The following SNX4 variants were observed in gnomAD, a reference collection of about 807,000 sequenced individuals.
The protein encoded by SNX4 is sorting nexin-4.
Under a neutral mutation model 70.8 loss-of-function variants are expected in SNX4, and 49 were observed. That is an observed-to-expected ratio of 0.69 (90% CI 0.55 to 0.88). SNX4 has a LOEUF of 0.88. Among genes scored for constraint, SNX4 ranks in the 40% least tolerant of loss-of-function variants. SNX4 has a pLI of 0.00. For synonymous variants in SNX4, 206 were observed against 183.8 expected, an observed-to-expected ratio of 1.12 and a Z score of -0.98; for missense variants, 528 against 544.8, an observed-to-expected ratio of 0.97 and a Z score of 0.31.
chr3:125,502,713 A>T (rs1934955786), intron 2 of SNX4, among the ~76,000 whole-genome samples: 1 of 151,690 alleles, frequency 6.6e-6, no homozygotes, highest in South Asian at 2.1e-4. Flanking sequence ...TACTAAAACT[A>T]CATGGTGACG....
chr3:125,494,451 G>C (rs1054762557), intron 5 of SNX4, among the ~76,000 whole-genome samples: 1 of 152,092 alleles, frequency 6.6e-6, no homozygotes, highest in Non-Finnish European at 1.5e-5. Flanking sequence ...AGGCAATATT[G>C]AGCAAAATAA....
chr3:125,518,683 A>G (rs1437606230), intron 1 of SNX4, among the ~76,000 whole-genome samples: 1 of 152,094 alleles, frequency 6.6e-6, no homozygotes, highest in Non-Finnish European at 1.5e-5. Flanking sequence ...CCTGGGTAAC[A>G]TGGTGAAAAC....
intron 1 of SNX4, among the ~76,000 whole-genome samples, chr3:125,510,002 T>C (rs1208651627): frequency 5.3e-5 from 8 of 152,096 alleles, no homozygotes; most frequent in Non-Finnish European, 8.8e-5. Context: ...TCGTGCCCTA[T>C]TGGCGGGAAT....
intron 6 of SNX4, among the ~76,000 whole-genome samples, chr3:125,489,193 G>A (rs1934598341): frequency 6.6e-6 from 1 of 152,050 alleles, no homozygotes; most frequent in Non-Finnish European, 1.5e-5. Flanking sequence ...CTAGAAAAAA[G>A]CAATGGTTTA....
intron 9 of SNX4, among the ~76,000 whole-genome samples, chr3:125,466,310 C>T (rs1044273738): frequency 4.1e-5 from 6 of 148,066 alleles, no homozygotes; most frequent in African/African-American, 1.5e-4. Context: ...TCAAGATAGA[C>T]TAAGGACTTA....
intron 1 of SNX4, among the ~76,000 whole-genome samples, chr3:125,514,653 A>G (rs1935237277): frequency 6.6e-6 from 1 of 151,970 alleles, no homozygotes; most frequent in Non-Finnish European, 1.5e-5. Context: ...CAGCCTCCCA[A>G]AGTGCTGGGA....
chr3:125,472,912 T>TCC (rs1245347653), intron 8 of SNX4, among the ~76,000 whole-genome samples: 3 of 151,844 alleles, frequency 2.0e-5, no homozygotes, highest in Admixed American at 6.6e-5. Context: ...CATGCTCCTA[T>TCC]CCCTCCCCTG....
intron 6 of SNX4, among the ~76,000 whole-genome samples, chr3:125,485,822 G>C (rs116369583): frequency 0.03 from 4,539 of 152,068 alleles, 154 homozygotes; most frequent in African/African-American, 0.064. Flanking sequence ...CTACACTTTG[G>C]TTCTTGCCTC....
chr3:125,446,843 T>C lies in SNX4; in HGVS notation c.*936A>G, dbSNP rs1284948081. 6.6e-6 allele frequency: 1 copy of C among 152,516 alleles called. No homozygotes were observed. The highest frequency in any genetic ancestry group is 6.6e-5 in the Admixed American group (1 of 15,262). 9.4% of individuals were successfully genotyped at this position (152,516 alleles called of 1,614,324 possible). On this transcript the variant is annotated 3_prime_UTR_variant, in exon 14 of 14. Transcript: ENST00000251775. ...TGAAGATGCTTGCCTTCTGAACATA[T>C]ACTACAAACACACATACAAAAAAAC...
rs1559822284 is a variant in SNX4, at chr3:125,497,949, T to C, written c.434A>G (p.Asn145Ser). The C allele has an allele frequency of 1.9e-6, 3 of 1,614,174 alleles. No homozygotes were observed. Among genetic ancestry groups the C allele is most frequent in the Non-Finnish European group, 1.7e-6 (2 of 1,180,028 alleles). ...CCTCTCCACAAAATCTGGATCCATG[T>C]TGTCAGCAGAGAGTTTATGCCAAAC... ...EFVWHKLSAD[N>S]MDPDFVERRR... The change falls in exon 4 of 14, where the codon AAC becomes AGC. Residue 145 changes from asparagine (N) to serine (S), a missense_variant. By Grantham distance (46) the Asn-to-Ser change is conservative. Coordinates refer to ENST00000251775, the MANE Select transcript of SNX4 (RefSeq NM_003794.4).
At chr3:125,499,472 T>C (rs1934877599) in intron 2 of SNX4, among the ~76,000 whole-genome samples, 1 of 152,122 alleles carries the variant, frequency 6.6e-6, no homozygotes, top group Non-Finnish European at 1.5e-5. Context: ...CATTGCATAT[T>C]AATAAAAATG....
chr3:125,484,835 C>A (rs1336029087), intron 6 of SNX4, among the ~76,000 whole-genome samples: 2 of 151,872 alleles, frequency 1.3e-5, no homozygotes, highest in African/African-American at 4.8e-5. Context: ...ATTAGCCAGG[C>A]CGGGTGGATC....
chr3:125,491,866 T>C (rs2107554103), intron 5 of SNX4, among the ~76,000 whole-genome samples: 1 of 152,090 alleles, frequency 6.6e-6, no homozygotes, highest in South Asian at 2.1e-4. Context: ...CCCAGCACTT[T>C]GGGAGGCTGA....
At chr3:125,506,529 G>A (rs1318721747) in intron 1 of SNX4, among the ~76,000 whole-genome samples, 2 of 141,906 alleles carry the variant, frequency 1.4e-5, no homozygotes, top group African/African-American at 5.3e-5. Flanking sequence ...TTTTTTCTGA[G>A]ACAGTCTTGC....
At chr3:125,459,791 C>CA (rs1010078825) in intron 10 of SNX4, among the ~76,000 whole-genome samples, 3 of 152,072 alleles carry the variant, frequency 2.0e-5, no homozygotes, top group Non-Finnish European at 4.4e-5. Flanking sequence ...TCCTACTACT[C>CA]AAAGCCCTAG....
intron 6 of SNX4, among the ~76,000 whole-genome samples, chr3:125,482,746 T>C (rs529241829): frequency 1.3e-5 from 2 of 152,044 alleles, no homozygotes; most frequent in Non-Finnish European, 2.9e-5. Context: ...TTCATTGAAA[T>C]AAAGAGGCAG....
At position 125,514,049 on chromosome 3, in the gene SNX4, T is replaced by TA. The variant is rs398106420; in HGVS notation, c.141+5982dup. ...AGACTTCTGGATTTTTTTTTTTTTT[T>TA]AAAGGGCACTAATCCCACTCACGAA... On this transcript the variant is annotated intron_variant, in intron 1 of 13. Coordinates refer to ENST00000251775, the MANE Select transcript of SNX4 (RefSeq NM_003794.4). 5.3e-5 allele frequency among the ~76,000 whole-genome samples: 8 copies of TA among 151,244 alleles called. No individual in the cohort carries two copies. The East Asian group carries it at 1.4e-3, about 26-fold the overall frequency.
At chr3:125,461,789 G>A (rs1164186858) in intron 9 of SNX4, among the ~76,000 whole-genome samples, 2 of 151,898 alleles carry the variant, frequency 1.3e-5, no homozygotes, top group East Asian at 3.9e-4. Flanking sequence ...AGCCTCCCAA[G>A]TAGCTGGGAC....
At chr3:125,448,912 C>T (rs548623680) in intron 13 of SNX4, among the ~76,000 whole-genome samples, 11 of 151,394 alleles carry the variant, frequency 7.3e-5, no homozygotes, top group South Asian at 4.2e-4. Flanking sequence ...CTCCTGACCT[C>T]GTGATCCACC....
Sources: allele counts gnomAD v4.1 joint callset (sites outside exome capture counted in the v4.1 genomes callset), GRCh38; gene constraint gnomAD v4.1.1; transcripts MANE v1.5; gene names NCBI Gene and HGNC (gene_info 2026-07-23, HGNC 2026-07-21).